The following STXBP6 variants were observed in gnomAD, a reference collection of about 807,000 sequenced individuals.
The protein encoded by STXBP6 is syntaxin-binding protein 6.
Under a neutral mutation model 26.9 loss-of-function variants are expected in STXBP6, and 21 were observed. That is an observed-to-expected ratio of 0.78 (90% CI 0.55 to 1.12). The LOEUF is 1.12. STXBP6 is among the 50% of genes most tolerant of loss of function. The pLI, the probability that STXBP6 is intolerant of heterozygous loss-of-function variation, is 0.00. For synonymous variants in STXBP6, 97 were observed against 92.6 expected, an observed-to-expected ratio of 1.05 and a Z score of -0.27; for missense variants, 232 against 257.9, an observed-to-expected ratio of 0.90 and a Z score of 0.69.
intron 1 of STXBP6, among the ~76,000 whole-genome samples, chr14:25,011,726 A>G (rs2075036926): frequency 6.6e-6 from 1 of 152,176 alleles, no homozygotes; most frequent in Non-Finnish European, 1.5e-5. Context: ...AAATTGCAGC[A>G]TGTTTTCTTG....
chr14:24,922,563 A>C (rs2072018998), intron 2 of STXBP6, among the ~76,000 whole-genome samples: 1 of 152,098 alleles, frequency 6.6e-6, no homozygotes, highest in Non-Finnish European at 1.5e-5. Context: ...TCCTTTCAAA[A>C]TTCTTCTAAG....
chr14:24,984,889 T>G (rs777343186), intron 1 of STXBP6, among the ~76,000 whole-genome samples: 1 of 152,206 alleles, frequency 6.6e-6, no homozygotes, highest in Non-Finnish European at 1.5e-5. Flanking sequence ...CTAAGATGCA[T>G]GACTCCAGAA....
chr14:24,975,445 A>G (rs994356744), intron 1 of STXBP6, among the ~76,000 whole-genome samples: 1 of 152,160 alleles, frequency 6.6e-6, no homozygotes, highest in Non-Finnish European at 1.5e-5. Flanking sequence ...GCTTCTCCCA[A>G]TGGGTTCTAG....
intron 2 of STXBP6, among the ~76,000 whole-genome samples, chr14:24,964,828 G>A (rs2140143318): frequency 6.6e-6 from 1 of 152,178 alleles, no homozygotes; most frequent in African/African-American, 2.4e-5. Context: ...AGAACGTTTT[G>A]TTTTATTTTG....
chr14:24,918,038 G>T (rs2071830535), intron 2 of STXBP6, among the ~76,000 whole-genome samples: 1 of 152,046 alleles, frequency 6.6e-6, no homozygotes, highest in African/African-American at 2.4e-5. Flanking sequence ...TATGGTTCCA[G>T]TGATGTAAGA....
At chr14:24,981,961 T>C (rs1177966732) in intron 1 of STXBP6, among the ~76,000 whole-genome samples, 1 of 151,970 alleles carries the variant, frequency 6.6e-6, no homozygotes, top group Non-Finnish European at 1.5e-5. Context: ...AAACAGAAAA[T>C]GAGCTCATGA....
intron 2 of STXBP6, among the ~76,000 whole-genome samples, chr14:24,875,478 T>C (rs1478931310): frequency 6.6e-6 from 1 of 152,202 alleles, no homozygotes; most frequent in Non-Finnish European, 1.5e-5. Context: ...TAGGACTCAT[T>C]TGAGATTCTT....
At chr14:24,927,619 C>G (rs1369440909) in intron 2 of STXBP6, among the ~76,000 whole-genome samples, 2 of 152,204 alleles carry the variant, frequency 1.3e-5, no homozygotes, top group East Asian at 3.8e-4. Flanking sequence ...TAAATCACTT[C>G]TGACGTTGTC....
chr14:24,959,561 C>T (rs188973704), intron 2 of STXBP6, among the ~76,000 whole-genome samples: 1 of 152,316 alleles, frequency 6.6e-6, no homozygotes, highest in Admixed American at 6.5e-5. Context: ...TAACGTTTAT[C>T]TTCAGGTAAG....
chr14:25,048,229 T>C (rs1228358638), intron 1 of STXBP6, among the ~76,000 whole-genome samples: 1 of 152,240 alleles, frequency 6.6e-6, no homozygotes, highest in Non-Finnish European at 1.5e-5. Context: ...ATCTAAGACC[T>C]GAATGGTGCT....
intron 2 of STXBP6, among the ~76,000 whole-genome samples, chr14:24,867,479 G>T (rs1173307682): frequency 6.6e-6 from 1 of 152,200 alleles, no homozygotes; most frequent in Admixed American, 6.5e-5. Context: ...CAACAGAATA[G>T]AGAGGCTGGA....
intron 2 of STXBP6, among the ~76,000 whole-genome samples, chr14:24,862,842 A>G (rs2069587749): frequency 6.6e-6 from 1 of 152,198 alleles, no homozygotes; most frequent in South Asian, 2.1e-4. Flanking sequence ...CAGAGTAGTT[A>G]GCAACTATGC....
Position 24,810,865 on chromosome 14 carries a change from C to CTCTCTGTGTGTGTG in STXBP6, c.*1843_*1844insCACACACACAGAGA, listed in dbSNP as rs373068735. The CTCTCTGTGTGTGTG allele has an allele frequency of 2.3e-4, 32 of 137,668 alleles. No homozygotes were observed. In the East Asian group the frequency reaches 4.1e-3, roughly 18 times the overall value. 8.5% of individuals were successfully genotyped at this position (137,668 alleles called of 1,614,324 possible). Reference sequence around the variant, plus strand: ...CCAATTTGGAAAGATAAATACATCTCTGTGTGTGTGTGTGTGTGTGTGTGT... The same window carrying CTCTCTGTGTGTGTG: ...CCAATTTGGAAAGATAAATACATCTCTCTCTGTGTGTGTGTGTGTGTGTGTGTGTGTGTGTGTGT... On this transcript the variant is annotated 3_prime_UTR_variant, in exon 6 of 6. Transcript: ENST00000323944.
At position 25,008,579 on chromosome 14, in the gene STXBP6, C is replaced by A. The variant is rs549696784; in HGVS notation, c.-32-33729G>T. On this transcript the variant is annotated intron_variant, in intron 1 of 5. Transcript: ENST00000323944. ...TTATAATTAATTTGACAAGCTGTTG[C>A]TTGATAGAACTTTAAAATTCATGTT... Among the ~76,000 whole-genome samples the A allele has an allele frequency of 2.0e-5, 3 of 152,268 alleles. No individual in the cohort carries two copies. In the South Asian group the frequency reaches 6.2e-4, roughly 32 times the overall value.
Position 24,895,618 on chromosome 14 carries a change from G to A in STXBP6, c.155-38461C>T, listed in dbSNP as rs562566450. Among the ~76,000 whole-genome samples, 4 of 152,288 alleles carry A rather than the reference G, an allele frequency of 2.6e-5. 1 individual carries two copies. The highest frequency in any genetic ancestry group is 3.9e-4 in the East Asian group (2 of 5,186). The stretch of plus-strand genomic sequence containing the variant: ...AGGTCAGAGTCATTCACAGACATTC[G>A]AAGATATGAATAAAAAAACAAATCC... On this transcript the variant is annotated intron_variant, in intron 2 of 5. Transcript: ENST00000323944.
At chr14:24,961,253 G>A (rs915572527) in intron 2 of STXBP6, among the ~76,000 whole-genome samples, 1 of 152,080 alleles carries the variant, frequency 6.6e-6, no homozygotes, top group Non-Finnish European at 1.5e-5. Flanking sequence ...AACAGACAAT[G>A]GGGTCTAGTT....
chr14:24,880,744 A>G (rs2139423097), intron 2 of STXBP6, among the ~76,000 whole-genome samples: 1 of 152,310 alleles, frequency 6.6e-6, no homozygotes, highest in South Asian at 2.1e-4. Flanking sequence ...ATCAATGATG[A>G]GAACATGTCA....
At chr14:25,039,304 G>C (rs144631293) in intron 1 of STXBP6, among the ~76,000 whole-genome samples, 3 of 152,276 alleles carry the variant, frequency 2.0e-5, no homozygotes, top group Non-Finnish European at 2.9e-5. Flanking sequence ...AAGTCTTGTA[G>C]TTCTATTACC....
At chr14:24,822,771 C>T (rs1033772421) in intron 4 of STXBP6, among the ~76,000 whole-genome samples, 1 of 152,140 alleles carries the variant, frequency 6.6e-6, no homozygotes, top group East Asian at 1.9e-4. Context: ...TCTCTCCTAT[C>T]TCGGGGCTAA....
Sources: allele counts gnomAD v4.1 joint callset (sites outside exome capture counted in the v4.1 genomes callset), GRCh38; gene constraint gnomAD v4.1.1; transcripts MANE v1.5; gene names NCBI Gene and HGNC (gene_info 2026-07-23, HGNC 2026-07-21).